FCGR3B: variants seen among roughly 807,000 people sequenced by gnomAD.
FCGR3B encodes the protein low affinity immunoglobulin gamma Fc region receptor III-B.
FCGR3B carries 20 observed loss-of-function variants against 26.7 expected under a neutral mutation model. The observed-to-expected ratio is 0.75, with a 90% CI of 0.53 to 1.09. The LOEUF is 1.09. Among genes scored for constraint, FCGR3B ranks in the 50% least tolerant of loss-of-function variants. The pLI is 0.00. For missense variants in FCGR3B, 191 were observed against 279.7 expected, an observed-to-expected ratio of 0.68 and a Z score of 2.26; for synonymous variants, 79 against 107.0, an observed-to-expected ratio of 0.74 and a Z score of 1.62.
In FCGR3B at chr1:161,630,048, G is replaced by C. The variant is rs1339136678; in HGVS notation, c.62-13C>G. On this transcript the variant is annotated splice_polypyrimidine_tract_variant and intron_variant, in intron 2 of 4. Transcript: ENST00000650385. ...TTTGGGAGATCTTCTGAGGAGCCAA[G>C]ATAATGTGGGGTGAGGACAGGGAGA... 1 of 1,446,352 alleles carries C rather than the reference G, an allele frequency of 6.9e-7. No homozygotes were observed. The highest frequency in any genetic ancestry group is 9.2e-7 in the Non-Finnish European group (1 of 1,084,702). 89.6% of individuals were successfully genotyped at this position (1,446,352 alleles called of 1,614,324 possible).
At chr1:161,627,387 C>A (rs35139848) in intron 3 of FCGR3B, among the ~76,000 whole-genome samples, 6 of 149,188 alleles carry the variant, frequency 4.0e-5, no homozygotes, top group Non-Finnish European at 7.4e-5. Flanking sequence ...GAAATTGACC[C>A]GAAACGTAAT....
Position 161,628,151 on chromosome 1 carries a change from T to C in FCGR3B, c.319+1627A>G, listed in dbSNP as rs577816530. 2.5e-4 allele frequency among the ~76,000 whole-genome samples: 38 copies of C among 150,010 alleles called. 3 individuals are homozygous for C. Among genetic ancestry groups the C allele is most frequent in the African/African-American group, 9.2e-4 (37 of 40,310 alleles). ...AGCCGGGCGTGGTGGCATGCACCTG[T>C]AGTCCCAGCTAGTTGGGAGGCTGAA... On this transcript the variant is annotated intron_variant, in intron 3 of 4. Coordinates refer to ENST00000650385, the MANE Select transcript of FCGR3B (RefSeq NM_001244753.2).
In FCGR3B at chr1:161,623,459, T is replaced by C. The variant is rs1194379032; in HGVS notation, c.*1056A>G. On this transcript the variant is annotated 3_prime_UTR_variant, in exon 5 of 5. Transcript: ENST00000650385. ...CATTTAGTATTGGTTATACAACATT[T>C]GTTTAATAAATGCAATGAACAAAGC... is the stretch of plus-strand genomic sequence containing the variant. 2.0e-5 allele frequency: 3 copies of C among 150,448 alleles called. 1 individual carries two copies. The highest frequency in any genetic ancestry group is 4.4e-5 in the Non-Finnish European group (3 of 67,774). The allele number at this position is 150,448 out of a possible 1,614,324, so 9.3% of individuals were successfully genotyped here.
rs1031341331 is a variant in FCGR3B, at chr1:161,623,779, G to C, written c.*736C>G. On this transcript the variant is annotated 3_prime_UTR_variant, in exon 5 of 5. Coordinates refer to ENST00000650385, the MANE Select transcript of FCGR3B (RefSeq NM_001244753.2). The stretch of plus-strand genomic sequence containing the variant: ...ACCATTTTCTACTCCTAGCATTAGA[G>C]GACTCATCGTTATATACTTGGAAAT... The C allele has an allele frequency of 3.5e-4, 46 of 132,458 alleles. 2 individuals carry two copies. Among genetic ancestry groups the C allele is most frequent in the African/African-American group, 1.3e-3 (45 of 34,160 alleles). 8.2% of individuals were successfully genotyped at this position (132,458 alleles called of 1,614,324 possible). A position where few individuals can be genotyped will look rare whatever the true frequency, so the allele number is the denominator to read the frequency against.
chr1:161,626,688 C>A (rs1473906150), intron 3 of FCGR3B, among the ~76,000 whole-genome samples: 1 of 149,268 alleles, frequency 6.7e-6, no homozygotes, highest in African/African-American at 2.5e-5. Flanking sequence ...CAACGATGAG[C>A]ATATCTGCAG....
Position 161,623,629 on chromosome 1 carries a change from G to C in FCGR3B, c.*886C>G, listed in dbSNP as rs1413140038. The C allele has an allele frequency of 2.0e-5, 3 of 148,416 alleles. No individual in the cohort carries two copies. The highest frequency in any genetic ancestry group is 7.6e-5 in the African/African-American group (3 of 39,518). 9.2% of individuals were successfully genotyped at this position (148,416 alleles called of 1,614,324 possible). A position where few individuals can be genotyped will look rare whatever the true frequency, so the allele number is the denominator to read the frequency against. On this transcript the variant is annotated 3_prime_UTR_variant, in exon 5 of 5. Transcript: ENST00000650385. ...CTTCTGGTTGGTTCTTTCTTCTCAG[G>C]CTTTCTCATTCTGATGCTGAGATAG...
At position 161,626,171 on chromosome 1, in the gene FCGR3B, T is replaced by G. The variant is rs1273008156; in HGVS notation, c.551A>C (p.Glu184Ala). 2 of 1,609,602 alleles carry G rather than the reference T, an allele frequency of 1.2e-6. No homozygotes were observed. Among genetic ancestry groups the G allele is most frequent in the Non-Finnish European group, 1.7e-6 (2 of 1,178,308 alleles). Residue 184 changes from glutamate to alanine, a missense_variant, in exon 4 of 5, where the codon GAG becomes GCG. Physicochemically the swap from Glu to Ala is moderately radical, Grantham distance 107. Coordinates refer to ENST00000650385, the MANE Select transcript of FCGR3B (RefSeq NM_001244753.2). ...TTGAGTGATGGTGATGTTCACAGTC[T>G]CTGAAGACACATTTTTACTCCCAAC... ...GLVGSKNVSS[E>A]TVNITITQGL...
rs267598136 is a variant in FCGR3B, at chr1:161,624,567, A to T, written c.650T>A (p.Leu217His). 1.2e-6 allele frequency: 2 copies of T among 1,606,826 alleles called. No individual in the cohort carries two copies. Among genetic ancestry groups the T allele is most frequent in the Non-Finnish European group, 1.7e-6 (2 of 1,176,718 alleles). The change falls in exon 5 of 5, where the codon CTC becomes CAC. Residue 217 changes from leucine (L) to histidine (H), a missense_variant. By Grantham distance (99) the Leu-to-His change is moderately conservative. Coordinates refer to ENST00000650385, the MANE Select transcript of FCGR3B (RefSeq NM_001244753.2). The part of the protein sequence containing the change: ...YQVSFCLVMV[L>H]LFAVDTGLYF... The stretch of plus-strand genomic sequence containing the variant: ...TAGTCCTGTGTCCACTGCAAAAAGG[A>T]GTACCATCACCAAGCAGAAAGAGAC...
rs562888488 is a variant in FCGR3B at position 161,624,678 on chromosome 1, C to T, written c.578-39G>A. 13 of 1,562,190 alleles carry T rather than the reference C, an allele frequency of 8.3e-6. 1 individual carries two copies. The South Asian group carries it at 1.3e-4, about 15-fold the overall frequency. ...TGGAGAGATGAAAAAAAATGACAGT[C>T]ACTAAGGCAGATATTTGGAACAAAC... On this transcript the variant is annotated intron_variant, in intron 4 of 4. Transcript: ENST00000650385.
At chr1:161,628,773 G>A (rs191352672) in intron 3 of FCGR3B, among the ~76,000 whole-genome samples, 1 of 146,390 alleles carries the variant, frequency 6.8e-6, no homozygotes, top group Non-Finnish European at 1.5e-5. Context: ...AGTAGAATTA[G>A]GTTTGCAGGG....
chr1:161,627,481 C>T (rs747681584), intron 3 of FCGR3B, among the ~76,000 whole-genome samples: 1 of 150,378 alleles, frequency 6.6e-6, no homozygotes, highest in Non-Finnish European at 1.5e-5. Context: ...AAATCTACTA[C>T]CTGATGCTAA....
intron 4 of FCGR3B, 107 bp from the exon 5 acceptor site, chr1:161,624,746 C>G: frequency 4.9e-6 from 5 of 1,028,188 alleles, no homozygotes; most frequent in Non-Finnish European, 7.2e-6. Flanking sequence ...TGCCAACAGG[C>G]AAGTGGTAGG....
At chr1:161,626,524 C>T in intron 3 of FCGR3B, 122 bp from the exon 4 acceptor site, 1 of 851,782 alleles carries the variant, frequency 1.2e-6, no homozygotes, top group South Asian at 1.8e-5. Context: ...GGAGTCAACC[C>T]TGCATAGCTC....
chr1:161,629,735 C>A (rs770888102), intron 3 of FCGR3B, 43 bp downstream of exon 3: 3 of 1,271,328 alleles, frequency 2.4e-6, no homozygotes, highest in Admixed American at 4.6e-5. Flanking sequence ...CCCTTTGTTT[C>A]ACCCTTTATT....
At chr1:161,631,208 T>C (rs780285753), upstream of FCGR3B, 30 of 1,588,100 alleles carry the variant, frequency 1.9e-5, 2 homozygotes, top group Non-Finnish European at 2.5e-5. Context: ...CCCATCTCTG[T>C]CACCTGCCAG....
At position 161,626,202 on chromosome 1, in the gene FCGR3B, C is replaced by T. The variant is rs767346542; in HGVS notation, c.520G>A (p.Gly174Arg). Residue 174 changes from glycine to arginine, a missense_variant, in exon 4 of 5, where the codon GGG (glycine) becomes AGG (arginine). Gly to Arg is a moderately radical substitution (Grantham distance 125, BLOSUM62 -2). Coordinates refer to ENST00000650385, the MANE Select transcript of FCGR3B (RefSeq NM_001244753.2). The part of the protein sequence containing the change: ...LKDSGSYFCR[G>R]LVGSKNVSSE... ...GACACATTTTTACTCCCAACAAGCC[C>T]CCTGCAGAAGTAGGAGCCGCTATCT... The T allele has an allele frequency of 1.9e-6, 3 of 1,609,322 alleles. No individual in the cohort carries two copies. Among genetic ancestry groups the T allele is most frequent in the Non-Finnish European group, 2.5e-6 (3 of 1,178,118 alleles).
intron 1 of FCGR3B, chr1:161,630,739 G>A: frequency 5.4e-6 from 3 of 551,286 alleles, no homozygotes; most frequent in South Asian, 2.4e-5. Context: ...AACCATAGAG[G>A]AGAACCCTGG....
chr1:161,630,041 G>T lies in FCGR3B; in HGVS notation c.62-6C>A, dbSNP rs546592367. On this transcript the variant is annotated splice_polypyrimidine_tract_variant and splice_region_variant and intron_variant, in intron 2 of 4. Transcript: ENST00000650385. ...CACAGCCTTTGGGAGATCTTCTGAG[G>T]AGCCAAGATAATGTGGGGTGAGGAC... is the stretch of plus-strand genomic sequence containing the variant. 2.4e-4 allele frequency: 345 copies of T among 1,440,384 alleles called. 43 individuals carry two copies. In the Middle Eastern group the frequency reaches 6.3e-3, roughly 26 times the overall value. 89.2% of individuals were successfully genotyped at this position (1,440,384 alleles called of 1,614,324 possible).
chr1:161,624,972 A>C (rs1211137416), intron 4 of FCGR3B, among the ~76,000 whole-genome samples: 1 of 138,830 alleles, frequency 7.2e-6, no homozygotes, highest in Non-Finnish European at 1.6e-5. Flanking sequence ...AAACTGGGAT[A>C]AATTTGTTGA....
Sources: allele counts gnomAD v4.1 joint callset (sites outside exome capture counted in the v4.1 genomes callset), GRCh38; gene constraint gnomAD v4.1.1; transcripts MANE v1.5; gene names NCBI Gene and HGNC (gene_info 2026-07-23, HGNC 2026-07-21).